CASR: variants seen among roughly 807,000 people sequenced by gnomAD.
CASR encodes calcium sensing receptor.
A neutral mutation model predicts 69.1 loss-of-function variants in CASR; 23 were observed. The observed-to-expected ratio is 0.33, with a 90% CI of 0.24 to 0.47. CASR has a LOEUF of 0.47. CASR is among the 20% of genes least tolerant of loss of function. The probability of loss-of-function intolerance (pLI) is 1.00; values close to 1 mark genes in which losing one functional copy is unlikely to be tolerated. For missense variants in CASR, 924 were observed against 1,356.1 expected (o/e 0.68, Z 5.00); for synonymous variants, 541 against 544.7 (o/e 0.99, Z 0.10).
chr3:122,201,976 G>A (rs982827971), intron 1 of CASR, among the ~76,000 whole-genome samples: 51 of 152,206 alleles, frequency 3.4e-4, no homozygotes, highest in Admixed American at 2.9e-3. Context: ...CCCAGATGAT[G>A]GGCAGCCAGG....
intron 1 of CASR, among the ~76,000 whole-genome samples, chr3:122,238,995 T>A (rs551246587): frequency 6.6e-6 from 1 of 152,280 alleles, no homozygotes; most frequent in South Asian, 2.1e-4. Context: ...ACTTACTACC[T>A]TCCCAGCTGG....
At chr3:122,240,431 G>T (rs1251538482) in intron 1 of CASR, among the ~76,000 whole-genome samples, 1 of 152,202 alleles carries the variant, frequency 6.6e-6, no homozygotes, top group African/African-American at 2.4e-5. Context: ...ATTGTAAGAA[G>T]AGATGAAGAA....
chr3:122,201,656 GCGGCTGGC>G (rs2073953130), intron 1 of CASR, among the ~76,000 whole-genome samples: 5 of 83,606 alleles, frequency 6.0e-5, no homozygotes, highest in Non-Finnish European at 1.3e-4. Context: ...CCCGGACGGG[GCGGCTGGC>G]CAGGCGGGGG....
chr3:122,194,864 T>C lies in CASR; in HGVS notation c.-243+11052T>C, dbSNP rs370152981. Among the ~76,000 whole-genome samples the C allele has an allele frequency of 2.0e-4, 31 of 152,304 alleles. No individual in the cohort carries two copies. The East Asian group carries it at 3.3e-3, about 16-fold the overall frequency. On this transcript the variant is annotated intron_variant, in intron 1 of 6. Transcript: ENST00000639785. The stretch of plus-strand genomic sequence containing the variant: ...AGCTTATACATCTATGGAGCTACTT[T>C]CTGCAGTGAGATCTGTTGGGAGCAG...
chr3:122,259,572 G>A (rs528278674), intron 3 of CASR, among the ~76,000 whole-genome samples: 43 of 136,806 alleles, frequency 3.1e-4, no homozygotes, highest in African/African-American at 9.3e-4. Flanking sequence ...ACAGACCAAC[G>A]CCTTTTATGT....
rs771113789 is a variant in CASR, at chr3:122,277,764, TA to T, written c.1608+1724del. ...CATTAATGCATAGAATTGAATTCTCTAATGGCACATGTCTCTCCACTGCAGC... is the reference window on the plus strand; with the variant it reads ...CATTAATGCATAGAATTGAATTCTCTATGGCACATGTCTCTCCACTGCAGC... On this transcript the variant is annotated intron_variant, in intron 5 of 6. Coordinates refer to ENST00000639785, the MANE Select transcript of CASR (RefSeq NM_000388.4). Among the ~76,000 whole-genome samples, 3 of 152,346 alleles carry T rather than the reference TA, an allele frequency of 2.0e-5. No homozygotes were observed. In the South Asian group the frequency reaches 6.2e-4, roughly 32 times the overall value.
chr3:122,252,409 A>AGGAAAAAGAAAAGAAAG (rs1553765626), intron 1 of CASR, among the ~76,000 whole-genome samples: 1 of 6,482 alleles, frequency 1.5e-4, no homozygotes, highest in African/African-American at 5.8e-4. Context: ...GAAGGAAGGA[A>AGGAAAAAGAAAAGAAAG]AAAGAAAGAA....
chr3:122,246,427 C>T (rs1167903248), intron 1 of CASR: 1 of 152,148 alleles, frequency 6.6e-6, no homozygotes, highest in African/African-American at 2.4e-5. Flanking sequence ...AAAATGCATG[C>T]TTTTGGTTTC....
intron 4 of CASR, among the ~76,000 whole-genome samples, chr3:122,266,525 G>A (rs73186012): frequency 0.019 from 2,857 of 151,790 alleles, 35 homozygotes; most frequent in Middle Eastern, 0.054. Flanking sequence ...CGCCTCCCAG[G>A]TTCAAGCAGT....
intron 1 of CASR, among the ~76,000 whole-genome samples, chr3:122,201,925 A>G (rs1212687519): frequency 6.6e-6 from 1 of 150,964 alleles, no homozygotes; most frequent in Non-Finnish European, 1.5e-5. Flanking sequence ...GACGCTCCTC[A>G]CTTTCCAGAC....
At chr3:122,193,299 C>G (rs575766605) in intron 1 of CASR, among the ~76,000 whole-genome samples, 9 of 152,214 alleles carry the variant, frequency 5.9e-5, no homozygotes, top group African/African-American at 2.2e-4. Flanking sequence ...TCACTGCAAC[C>G]TCCACCTCCT....
chr3:122,204,223 A>G (rs1469425672), intron 1 of CASR, among the ~76,000 whole-genome samples: 4 of 152,158 alleles, frequency 2.6e-5, no homozygotes, highest in African/African-American at 9.7e-5. Flanking sequence ...ATTTGTACCC[A>G]TTAATCAAGT....
At chr3:122,253,261 GAC>G (rs1232557598) in intron 1 of CASR, among the ~76,000 whole-genome samples, 1 of 152,070 alleles carries the variant, frequency 6.6e-6, no homozygotes, top group East Asian at 1.9e-4. Flanking sequence ...TTTTTTCTGA[GAC>G]AGAGTTTCAC....
intron 4 of CASR, among the ~76,000 whole-genome samples, chr3:122,266,663 A>G (rs1203212374): frequency 1.3e-5 from 2 of 152,094 alleles, no homozygotes; most frequent in East Asian, 3.9e-4. Flanking sequence ...TAATAATCTC[A>G]AGTAAAATTT....
intron 1 of CASR, among the ~76,000 whole-genome samples, chr3:122,201,104 A>G (rs1350369577): frequency 6.6e-6 from 1 of 151,652 alleles, no homozygotes; most frequent in Non-Finnish European, 1.5e-5. Context: ...CAGATAAACA[A>G]GTGAACAAAG....
At chr3:122,264,058 C>T (rs2074658531) in intron 4 of CASR, among the ~76,000 whole-genome samples, 1 of 149,492 alleles carries the variant, frequency 6.7e-6, no homozygotes, top group Admixed American at 6.7e-5. Flanking sequence ...GCTCCTCTTC[C>T]AGATAAGGAA....
At chr3:122,240,772 G>T (rs144378962) in intron 1 of CASR, among the ~76,000 whole-genome samples, 1 of 152,208 alleles carries the variant, frequency 6.6e-6, no homozygotes, top group African/African-American at 2.4e-5. Context: ...AGTATAAACC[G>T]TATGTTGGGT....
Position 122,284,106 on chromosome 3 carries a change from T to A in CASR, c.2152T>A (p.Trp718Arg). ...AKIPTSFHRK[W>R]WGLNLQFLLV... ...GATCCCCACCAGCTTCCACCGCAAG[T>A]GGTGGGGGCTCAACCTGCAGTTCCT... is the stretch of plus-strand genomic sequence containing the variant. Residue 718 changes from tryptophan (W) to arginine (R), a missense_variant, in exon 7 of 7, where the codon TGG becomes AGG. Transcript: ENST00000639785. The A allele has an allele frequency of 6.2e-7, 1 of 1,614,114 alleles. No homozygotes were observed. Among genetic ancestry groups the A allele is most frequent in the Non-Finnish European group, 8.5e-7 (1 of 1,179,970 alleles).
chr3:122,222,785 G>T (rs914925600), intron 1 of CASR, among the ~76,000 whole-genome samples: 2 of 151,668 alleles, frequency 1.3e-5, no homozygotes, highest in Admixed American at 6.6e-5. Context: ...TCTGCACATG[G>T]CACATACTCT....
Sources: gnomAD v4.1 joint callset for allele counts (sites outside exome capture counted in the v4.1 genomes callset) on GRCh38, gnomAD v4.1.1 for gene constraint, MANE v1.5 for transcripts, NCBI Gene and HGNC (gene_info 2026-07-23, HGNC 2026-07-21) for gene names.